Variants in CAPN11 observed in about 807,000 individuals in gnomAD.
The protein encoded by CAPN11 is calpain 11, also known as calpain-11.
CAPN11 carries 108 observed loss-of-function variants against 105.3 expected under a neutral mutation model. That is an observed-to-expected ratio of 1.03 (90% confidence interval 0.88 to 1.20). The LOEUF (loss-of-function observed/expected upper bound fraction) is 1.20, where lower values mean the gene tolerates loss of function less well. CAPN11 is among the 50% of genes most tolerant of loss of function. The pLI is 0.00. For missense variants in CAPN11, 883 were observed against 924.8 expected, an observed-to-expected ratio of 0.95 and a Z score of 0.59; for synonymous variants, 329 against 344.5, an observed-to-expected ratio of 0.96 and a Z score of 0.50.
intron 1 of CAPN11, among the ~76,000 whole-genome samples, chr6:44,163,255 G>A (rs1294984811): frequency 6.6e-6 from 1 of 152,186 alleles, no homozygotes; most frequent in East Asian, 1.9e-4. Context: ...GCAGCCCAGG[G>A]CATTAGCTCT....
At chr6:44,159,585 G>A (rs189234033) in intron 1 of CAPN11, among the ~76,000 whole-genome samples, 1,685 of 152,214 alleles carry the variant, frequency 0.011, 17 homozygotes, top group Non-Finnish European at 0.018. Flanking sequence ...ACCCTAGGAA[G>A]TTTAGGCCTA....
In CAPN11 at chr6:44,172,807, G is replaced by T. The variant is rs1049992666; in HGVS notation, c.529-133G>T. 12 of 1,026,774 alleles carry T rather than the reference G, an allele frequency of 1.2e-5. No individual in the cohort carries two copies. In the African/African-American group the frequency reaches 1.6e-4, roughly 14 times the overall value. The allele number at this position is 1,026,774 out of a possible 1,614,324, so 63.6% of individuals were successfully genotyped here. A position where few individuals can be genotyped will look rare whatever the true frequency, so the allele number is the denominator to read the frequency against. On this transcript the variant is annotated intron_variant, in intron 5 of 22. Transcript: ENST00000398776. ...GAGGCGGGGCCGGGCTCAGGCTTTGGGTTGCCTTTCCCTCTCTATTCAGTG... is the reference window on the plus strand; with the variant it reads ...GAGGCGGGGCCGGGCTCAGGCTTTGTGTTGCCTTTCCCTCTCTATTCAGTG...
chr6:44,173,194 A>G, intron 6 of CAPN11, 24 bp from the exon 7 acceptor site: 3 of 1,612,948 alleles, frequency 1.9e-6, no homozygotes, highest in Non-Finnish European at 2.5e-6. Flanking sequence ...CTAGAGCCCA[A>G]CAGTGCCTTC....
intron 12 of CAPN11, 78 bp from the exon 13 acceptor site, chr6:44,179,541 A>C: frequency 7.9e-7 from 1 of 1,258,826 alleles, no homozygotes; most frequent in East Asian, 2.3e-5. Context: ...CACACTATAC[A>C]CATCCCACTT....
Position 44,180,143 on chromosome 6 carries a change from C to A in CAPN11, c.1620C>A (p.Thr540=). 3 of 1,612,218 alleles carry A rather than the reference C, an allele frequency of 1.9e-6. No individual in the cohort carries two copies. Among genetic ancestry groups the A allele is most frequent in the Non-Finnish European group, 2.5e-6 (3 of 1,179,076 alleles). The change falls in exon 14 of 23, where the codon ACC becomes ACA. Residue 540 remains threonine (T), a synonymous_variant. Transcript: ENST00000398776. ...RDADFLLRVF[T]EKHSESWELD... ...CTGACTTCCTGCTTCGGGTCTTCAC[C>A]GAGAAGCACAGCGAGTCATGGTAAG...
Position 44,180,779 on chromosome 6 carries a change from G to A in CAPN11, c.1778G>A (p.Arg593Lys). Residue 593 changes from arginine to lysine, a missense_variant, in exon 17 of 23, where the codon AGG (arginine) becomes AAG (lysine). By Grantham distance (26) the Arg-to-Lys change is conservative (BLOSUM62 2). Coordinates refer to ENST00000398776, the MANE Select transcript of CAPN11 (RefSeq NM_007058.4). ...GAGATAGGGGTGTATGAGCTCCAGAGGCTGCTCAACAGGATGGCCATCAAA... is the reference window on the plus strand; with the variant it reads ...GAGATAGGGGTGTATGAGCTCCAGAAGCTGCTCAACAGGATGGCCATCAAA... Reference protein sequence around the residue: ...GKEIGVYELQRLLNRMAIKFK... With the variant: ...GKEIGVYELQKLLNRMAIKFK... 1 of 1,613,636 alleles carries A rather than the reference G, an allele frequency of 6.2e-7. No homozygotes were observed. Among genetic ancestry groups the A allele is most frequent in the South Asian group, 1.1e-5 (1 of 91,074 alleles).
intron 12 of CAPN11, 102 bp from the exon 13 acceptor site, chr6:44,179,517 C>CACACACACAG: frequency 9.4e-7 from 1 of 1,063,658 alleles, no homozygotes; most frequent in Non-Finnish European, 1.5e-6. Context: ...TCCAACAACA[C>CACACACACAG]ACACACACAG....
chr6:44,162,756 G>C (rs2128290755), intron 1 of CAPN11, among the ~76,000 whole-genome samples: 1 of 152,178 alleles, frequency 6.6e-6, no homozygotes. Flanking sequence ...AGCTGAACCT[G>C]GGGGAGGAAT....
Position 44,176,308 on chromosome 6 carries a change from G to A in CAPN11, c.971G>A (p.Arg324Gln), listed in dbSNP as rs770985144. 28 of 1,613,798 alleles carry A rather than the reference G, an allele frequency of 1.7e-5. No homozygotes were observed. The highest frequency in any genetic ancestry group is 2.2e-5 in the Non-Finnish European group (26 of 1,179,864). ...ATTCGGGTCCGGAATCCCTGGGGCC[G>A]GATTGAGTGGAATGGAGCTTGGAGT... ...TLIRVRNPWGRIEWNGAWSDS... is the reference protein window; with the variant it reads ...TLIRVRNPWGQIEWNGAWSDS... The change falls in exon 9 of 23, where the codon CGG becomes CAG. Residue 324 changes from arginine (R) to glutamine (Q), a missense_variant. Physicochemically the swap from Arg to Gln is conservative, Grantham distance 43. Transcript: ENST00000398776.
rs143129879 is a variant in CAPN11, at chr6:44,172,247, C to T, written c.410-55C>T. Reference sequence around the variant, plus strand: ...TCCCCTAGGCCTTGGATTCTGAGGCCCACCCACACATATGGGGTTGCTCAG... The same window carrying T: ...TCCCCTAGGCCTTGGATTCTGAGGCTCACCCACACATATGGGGTTGCTCAG... On this transcript the variant is annotated intron_variant, in intron 4 of 22. Coordinates refer to ENST00000398776, the MANE Select transcript of CAPN11 (RefSeq NM_007058.4). The T allele has an allele frequency of 2.6e-3, 3,131 of 1,216,794 alleles. 10 individuals are homozygous for T. The highest frequency in any genetic ancestry group is 3.0e-3 in the Non-Finnish European group (2,609 of 861,584). The allele number at this position is 1,216,794 out of a possible 1,614,324, so 75.4% of individuals were successfully genotyped here. A position where few individuals can be genotyped will look rare whatever the true frequency, so the allele number is the denominator to read the frequency against.
chr6:44,173,214 A>C lies in CAPN11; in HGVS notation c.663-4A>C. 6.2e-7 allele frequency: 1 copy of C among 1,613,678 alleles called. No homozygotes were observed. The highest frequency in any genetic ancestry group is 8.5e-7 in the Non-Finnish European group (1 of 1,179,742). On this transcript the variant is annotated splice_region_variant and splice_polypyrimidine_tract_variant and intron_variant, in intron 6 of 22. Transcript: ENST00000398776. The stretch of plus-strand genomic sequence containing the variant: ...GCCCAACAGTGCCTTCTCTGTGCCC[A>C]CAGGCTGAGTGGGTCCTATGAAGCA...
rs762842451 is a variant in CAPN11 at position 44,180,907 on chromosome 6, C to T, written c.1805-26C>T. The T allele has an allele frequency of 3.7e-6, 6 of 1,612,726 alleles. No individual in the cohort carries two copies. The South Asian group carries it at 4.4e-5, about 12-fold the overall frequency. ...CGATACCTCATTTACCCTGTCTCTC[C>T]TTTCTACCCCTTCCCTTCCTCACAG... On this transcript the variant is annotated intron_variant, in intron 17 of 22. Coordinates refer to ENST00000398776, the MANE Select transcript of CAPN11 (RefSeq NM_007058.4).
chr6:44,170,055 G>A, intron 4 of CAPN11, 80 bp downstream of exon 4: 2 of 1,101,174 alleles, frequency 1.8e-6, no homozygotes, highest in South Asian at 1.3e-5. Flanking sequence ...TTGAAGCTGG[G>A]AAACAGGGAG....
In CAPN11 at chr6:44,173,316, C is replaced by A. The variant is rs1771336685; in HGVS notation, c.761C>A (p.Pro254His). 6.2e-7 allele frequency: 1 copy of A among 1,613,900 alleles called. No homozygotes were observed. The highest frequency in any genetic ancestry group is 1.3e-5 in the African/African-American group (1 of 75,034). The change falls in exon 7 of 23, where the codon CCC becomes CAC. Residue 254 changes from proline (P) to histidine (H), a missense_variant. By Grantham distance (77) the Pro-to-His change is moderately conservative. Transcript: ENST00000398776. ...GCCCAGAGCTTCCAACTCCAGAGGC[C>A]CCCTCAGAACCTGCTCAGGCTCCTT... ...GVAQSFQLQR[P>H]PQNLLRLLRK...
In CAPN11 at chr6:44,177,291, T is replaced by C. The variant is rs1179705200; in HGVS notation, c.1287T>C (p.Asp429=). The C allele has an allele frequency of 1.1e-5, 18 of 1,612,582 alleles. No homozygotes were observed. Among genetic ancestry groups the C allele is most frequent in the Non-Finnish European group, 1.5e-5 (18 of 1,179,306 alleles). Residue 429 remains aspartate, a synonymous_variant, in exon 12 of 23, where the codon GAT becomes GAC. Transcript: ENST00000398776. ...PQFKISLPEG[D]DPEDDAEGNV... ...TTAAGATCTCTCTTCCTGAGGGGGA[T>C]GACCCAGAGGATGACGCAGAGGGCA...
chr6:44,168,930 A>ATTT, intron 2 of CAPN11: 1 of 428,104 alleles, frequency 2.3e-6, no homozygotes, highest in Non-Finnish European at 4.7e-6. Flanking sequence ...CTATTTATTT[A>ATTT]TTTTTTTTTA....
Position 44,169,280 on chromosome 6 carries a change from G to C in CAPN11, c.89-1G>C. 1 of 1,596,730 alleles carries C rather than the reference G, an allele frequency of 6.3e-7. No homozygotes were observed. The highest frequency in any genetic ancestry group is 8.5e-7 in the Non-Finnish European group (1 of 1,172,540). On this transcript the variant is annotated splice_acceptor_variant, in intron 2 of 22. Transcript: ENST00000398776. LOFTEE classifies it high-confidence loss of function. ...TATTTCTCTTTTTTTTTCTTAAGCA[G>C]AGCCCACTTTTACTGATACGGGAAT... is the stretch of plus-strand genomic sequence containing the variant.
rs1304623104 is a variant in CAPN11 at position 44,169,404 on chromosome 6, C to T, written c.212C>T (p.Ala71Val). ...FGNQSFEELRAACLRKGELFE... is the reference protein window; with the variant it reads ...FGNQSFEELRVACLRKGELFE... ...AACCAGAGCTTTGAGGAGCTGCGAG[C>T]AGCCTGTCTAAGAAAGGGGGAGCTC... Residue 71 changes from alanine to valine, a missense_variant, in exon 3 of 23, where the codon GCA (alanine) becomes GTA (valine). By Grantham distance (64) the Ala-to-Val change is moderately conservative. Coordinates refer to ENST00000398776, the MANE Select transcript of CAPN11 (RefSeq NM_007058.4). 6.2e-7 allele frequency: 1 copy of T among 1,613,968 alleles called. No individual in the cohort carries two copies. The highest frequency in any genetic ancestry group is 1.7e-5 in the Admixed American group (1 of 60,016).
At chr6:44,177,038 GAA>G in intron 11 of CAPN11, 40 bp downstream of exon 11, 1 of 1,597,894 alleles carries the variant, frequency 6.3e-7, no homozygotes, top group Non-Finnish European at 8.5e-7. Flanking sequence ...TGCAGGGAGT[GAA>G]GGATGGGCCA....
Sources: allele counts gnomAD v4.1 joint callset (sites outside exome capture counted in the v4.1 genomes callset), GRCh38; gene constraint gnomAD v4.1.1; transcripts MANE v1.5; gene names NCBI Gene and HGNC (gene_info 2026-07-23, HGNC 2026-07-21).